Variants in NDUFAF6 observed in about 807,000 individuals in gnomAD.
NDUFAF6 encodes NADH:ubiquinone oxidoreductase complex assembly factor 6.
A neutral mutation model predicts 40.8 loss-of-function variants in NDUFAF6; 45 were observed. That is an observed-to-expected ratio of 1.10 (90% CI 0.87 to 1.42). The LOEUF (loss-of-function observed/expected upper bound fraction) is 1.42, where lower values mean the gene tolerates loss of function less well. NDUFAF6 is among the 40% of genes most tolerant of loss of function. NDUFAF6 has a pLI of 0.00. For synonymous variants in NDUFAF6, 185 were observed against 155.9 expected (o/e 1.19, Z -1.39); for missense variants, 435 against 418.5 (o/e 1.04, Z -0.34).
chr8:94,923,098 G>A (rs142579619), intron 1 of NDUFAF6, among the ~76,000 whole-genome samples: 204 of 152,288 alleles, frequency 1.3e-3, no homozygotes, highest in African/African-American at 4.6e-3. Flanking sequence ...GTTGACATGC[G>A]ACCATGAGAA....
chr8:95,081,303 G>A (rs1808860156), intron 2 of NDUFAF6, among the ~76,000 whole-genome samples: 1 of 151,668 alleles, frequency 6.6e-6, no homozygotes, highest in Admixed American at 6.6e-5. Context: ...CTCTGGAGCC[G>A]TTGGGACTAC....
At chr8:95,053,700 A>C (rs1268527353) in intron 8 of NDUFAF6, among the ~76,000 whole-genome samples, 4 of 150,914 alleles carry the variant, frequency 2.7e-5, no homozygotes, top group Non-Finnish European at 5.9e-5. Flanking sequence ...ATCTTGGCTC[A>C]CTGCAGCCTC....
At chr8:94,919,449 C>T (rs907004866) in intron 1 of NDUFAF6, among the ~76,000 whole-genome samples, 4 of 152,158 alleles carry the variant, frequency 2.6e-5, no homozygotes, top group Admixed American at 1.3e-4. Context: ...AGAGTAGGCT[C>T]AGAGAGACTC....
chr8:95,067,911 C>T (rs955350404), intron 9 of NDUFAF6: 1 of 151,930 alleles, frequency 6.6e-6, no homozygotes, highest in Non-Finnish European at 1.5e-5. Context: ...GATACCACAC[C>T]AGTGGAGGCG....
At chr8:94,957,832 T>C (rs1039548044), upstream of NDUFAF6, among the ~76,000 whole-genome samples, 1 of 152,104 alleles carries the variant, frequency 6.6e-6, no homozygotes, top group African/African-American at 2.4e-5. Flanking sequence ...TGTTTGGGGT[T>C]AAATGAAGGT....
intron 1 of NDUFAF6, among the ~76,000 whole-genome samples, chr8:95,027,745 AAT>A (rs1828341107): frequency 6.6e-6 from 1 of 152,204 alleles, no homozygotes; most frequent in East Asian, 1.9e-4. Context: ...ATAAACTTGA[AAT>A]AGAATTTCTG....
intron 1 of NDUFAF6, among the ~76,000 whole-genome samples, chr8:94,936,470 C>T (rs1457563959): frequency 6.6e-6 from 1 of 152,160 alleles, no homozygotes; most frequent in Non-Finnish European, 1.5e-5. Flanking sequence ...CGTGAACAGA[C>T]AGCATCTTGT....
intron 1 of NDUFAF6, among the ~76,000 whole-genome samples, chr8:94,934,038 T>C (rs1039526428): frequency 5.9e-5 from 9 of 151,432 alleles, no homozygotes; most frequent in African/African-American, 1.7e-4. Context: ...GATTGCAACA[T>C]TGTACTCCAG....
At chr8:95,032,161 A>G in intron 2 of NDUFAF6, 67 bp downstream of exon 2, 1 of 1,275,506 alleles carries the variant, frequency 7.8e-7, no homozygotes, top group South Asian at 1.2e-5. Flanking sequence ...ATGCTGAACA[A>G]TAAAGAAATA....
chr8:95,059,425 A>G (rs1832510035), downstream of NDUFAF6, among the ~76,000 whole-genome samples: 2 of 152,202 alleles, frequency 1.3e-5, no homozygotes, highest in South Asian at 2.1e-4. Context: ...TAATAAATAT[A>G]TAGTTGAATG....
chr8:95,102,913 G>A (rs1809697798), intron 2 of NDUFAF6: 1 of 152,168 alleles, frequency 6.6e-6, no homozygotes, highest in African/African-American at 2.4e-5. Context: ...GGGTAAATAT[G>A]GAGCTGAGAG....
chr8:94,902,144 C>T (rs1043707306), intron 1 of NDUFAF6, among the ~76,000 whole-genome samples: 24 of 152,012 alleles, frequency 1.6e-4, no homozygotes, highest in African/African-American at 5.6e-4. Context: ...ATAGCCCGGG[C>T]GTGGTGGCTC....
At chr8:95,033,299 C>T (rs1441124841) in intron 2 of NDUFAF6, among the ~76,000 whole-genome samples, 1 of 152,146 alleles carries the variant, frequency 6.6e-6, no homozygotes, top group Non-Finnish European at 1.5e-5. Context: ...CCTGCCTCAG[C>T]CCCTAAAGTG....
chr8:94,940,306 A>C, intron 1 of NDUFAF6: 2 of 1,451,760 alleles, frequency 1.4e-6, no homozygotes, highest in Non-Finnish European at 1.8e-6. Context: ...GTCATTATAA[A>C]GTCACCCATC....
intron 2 of NDUFAF6, among the ~76,000 whole-genome samples, chr8:95,005,554 A>T (rs2515231): frequency 0.045 from 5,209 of 115,230 alleles, 313 homozygotes; most frequent in Middle Eastern, 0.073. Context: ...TATATATATA[A>T]AAAATATATT....
In NDUFAF6 at chr8:95,058,583, T is replaced by C; in HGVS notation, c.*646T>C. On this transcript the variant is annotated 3_prime_UTR_variant, in exon 9 of 9. Transcript: ENST00000396124. ...TGGTCTGGAAGCTTTTACTTTTTTG[T>C]TAATCCCACTTCCTCACTCTGTCAT... is the stretch of plus-strand genomic sequence containing the variant. 1.7e-6 allele frequency: 2 copies of C among 1,194,480 alleles called. No homozygotes were observed. Among genetic ancestry groups the C allele is most frequent in the Non-Finnish European group, 2.1e-6 (2 of 965,256 alleles). The allele number at this position is 1,194,480 out of a possible 1,614,324, so 74.0% of individuals were successfully genotyped here.
chr8:94,931,226 A>G (rs935355475), intron 1 of NDUFAF6, among the ~76,000 whole-genome samples: 7 of 152,248 alleles, frequency 4.6e-5, no homozygotes, highest in African/African-American at 1.7e-4. Flanking sequence ...TCCAGGAAAC[A>G]TGCTTTAAAT....
At chr8:95,089,848 T>C (rs1444868856) in intron 2 of NDUFAF6, among the ~76,000 whole-genome samples, 5 of 152,126 alleles carry the variant, frequency 3.3e-5, no homozygotes, top group Non-Finnish European at 7.3e-5. Flanking sequence ...GGTTGAAAAA[T>C]ATTATTTTTA....
At chr8:95,037,250 A>G (rs968058483) in intron 3 of NDUFAF6, among the ~76,000 whole-genome samples, 2 of 152,214 alleles carry the variant, frequency 1.3e-5, no homozygotes, top group African/African-American at 4.8e-5. Flanking sequence ...GCAGATTTCC[A>G]ACTTCTTTAA....
Sources: allele counts gnomAD v4.1 joint callset (sites outside exome capture counted in the v4.1 genomes callset), GRCh38; gene constraint gnomAD v4.1.1; transcripts MANE v1.5; gene names NCBI Gene and HGNC (gene_info 2026-07-23, HGNC 2026-07-21).